VPS53: variants seen among roughly 807,000 people sequenced by gnomAD.
VPS53 encodes vacuolar protein sorting-associated protein 53 homolog.
VPS53 carries 70 observed loss-of-function variants against 107.0 expected under a neutral mutation model. The ratio of observed to expected loss-of-function variants is 0.65; its 90% confidence interval spans 0.54 to 0.80. VPS53 has a LOEUF of 0.80. Among genes scored for constraint, VPS53 ranks in the 30% least tolerant of loss-of-function variants. VPS53 has a pLI of 0.00. For synonymous variants in VPS53, 409 were observed against 393.3 expected, an observed-to-expected ratio of 1.04 and a Z score of -0.47; for missense variants, 917 against 1,049.4, an observed-to-expected ratio of 0.87 and a Z score of 1.74.
chr17:635,284 T>C (rs992315872), intron 7 of VPS53, among the ~76,000 whole-genome samples: 2 of 152,244 alleles, frequency 1.3e-5, no homozygotes, highest in Non-Finnish European at 2.9e-5. Context: ...TATTTATAGA[T>C]TCTGGATATT....
At chr17:614,034 G>A (rs896635945) in intron 11 of VPS53, among the ~76,000 whole-genome samples, 2 of 152,184 alleles carry the variant, frequency 1.3e-5, no homozygotes, top group South Asian at 2.1e-4. Context: ...ACCACACATC[G>A]TAGCATCCGT....
Position 668,289 on chromosome 17 carries a change from G to C in VPS53, c.286-6394C>G, listed in dbSNP as rs368577996. ...AAATCATATGGTCACCTCACCTACA[G>C]CACCTAAGCAAGGCTATGGCACAGT... On this transcript the variant is annotated intron_variant, in intron 4 of 21. Coordinates refer to ENST00000437048, the MANE Select transcript of VPS53 (RefSeq NM_001128159.3). Among the ~76,000 whole-genome samples the C allele has an allele frequency of 2.0e-5, 3 of 152,248 alleles. No homozygotes were observed. In the East Asian group the frequency reaches 5.8e-4, roughly 29 times the overall value.
chr17:591,464 T>C (rs1342144423), intron 12 of VPS53, among the ~76,000 whole-genome samples: 1 of 152,200 alleles, frequency 6.6e-6, no homozygotes, highest in African/African-American at 2.4e-5. Flanking sequence ...CTTTTAATTG[T>C]GATGTTAGGG....
At chr17:594,259 T>C (rs1055986164) in intron 12 of VPS53, among the ~76,000 whole-genome samples, 1 of 152,342 alleles carries the variant, frequency 6.6e-6, no homozygotes, top group South Asian at 2.1e-4. Context: ...ATGGCACATG[T>C]ATACATATGT....
chr17:586,509 T>C (rs1967326946), intron 12 of VPS53, 145 bp from the exon 13 acceptor site: 1 of 788,284 alleles, frequency 1.3e-6, no homozygotes, highest in Non-Finnish European at 2.0e-6. Context: ...GGTTTCACCA[T>C]TCACCCTGGC....
At position 519,430 on chromosome 17, in the gene VPS53, C is replaced by T. The variant is rs1908551775; in HGVS notation, c.2329-132G>A. On this transcript the variant is annotated intron_variant, in intron 21 of 21. Transcript: ENST00000437048. This position sits in a 1 kb window ranked among gnomAD's most constrained non-coding sequence, Gnocchi z 5.0. ...ATAGTTACTCCAGGCTGAGGATGAACCGTTTCCTCAAGGGACTCACCATCC... is the reference window on the plus strand; with the variant it reads ...ATAGTTACTCCAGGCTGAGGATGAATCGTTTCCTCAAGGGACTCACCATCC... 4.2e-6 allele frequency: 4 copies of T among 958,826 alleles called. No individual in the cohort carries two copies. In the East Asian group the frequency reaches 1.1e-4, roughly 27 times the overall value. The allele number at this position is 958,826 out of a possible 1,614,324, so 59.4% of individuals were successfully genotyped here. A position where few individuals can be genotyped will look rare whatever the true frequency, so the allele number is the denominator to read the frequency against.
intron 17 of VPS53, among the ~76,000 whole-genome samples, chr17:544,801 C>T (rs925394076): frequency 8.6e-5 from 13 of 151,972 alleles, no homozygotes; most frequent in Non-Finnish European, 1.8e-4. Context: ...ATATGGAGGC[C>T]AGGCACAGTG....
At chr17:626,967 G>C (rs1398567104) in intron 10 of VPS53, among the ~76,000 whole-genome samples, 2 of 152,130 alleles carry the variant, frequency 1.3e-5, no homozygotes, top group Non-Finnish European at 2.9e-5. Context: ...CTTGAGGCAA[G>C]AACTACACCA....
chr17:635,678 G>C (rs942558814), intron 7 of VPS53, among the ~76,000 whole-genome samples: 18 of 151,980 alleles, frequency 1.2e-4, no homozygotes, highest in African/African-American at 4.1e-4. Context: ...TCTTGTTTTT[G>C]TCAGGTTTGT....
chr17:566,832 C>G (rs1431291987), intron 13 of VPS53, among the ~76,000 whole-genome samples: 1 of 151,998 alleles, frequency 6.6e-6, no homozygotes, highest in Non-Finnish European at 1.5e-5. Flanking sequence ...CAACCTCTGC[C>G]TCCCGGGTTC....
At chr17:567,293 C>T (rs914318375) in intron 13 of VPS53, among the ~76,000 whole-genome samples, 1 of 152,190 alleles carries the variant, frequency 6.6e-6, no homozygotes, top group Non-Finnish European at 1.5e-5. Flanking sequence ...TTACTTCTGA[C>T]ATTGTTCTTT....
intron 13 of VPS53, among the ~76,000 whole-genome samples, chr17:578,851 G>A (rs888125814): frequency 8.2e-6 from 1 of 122,078 alleles, no homozygotes; most frequent in Admixed American, 8.1e-5. Context: ...ACCTAATGCG[G>A]TCCCAGAGAA....
intron 10 of VPS53, among the ~76,000 whole-genome samples, chr17:626,370 T>A (rs767654740): frequency 1.3e-4 from 20 of 152,202 alleles, no homozygotes; most frequent in Non-Finnish European, 2.8e-4. Context: ...TTTAAAATGC[T>A]TGGAAAGCTC....
chr17:654,581 A>ACAAAAAT (rs1489573034), intron 6 of VPS53, among the ~76,000 whole-genome samples: 1 of 151,574 alleles, frequency 6.6e-6, no homozygotes, highest in Non-Finnish European at 1.5e-5. Flanking sequence ...TACTAAAAAT[A>ACAAAAAT]CAAAAATTAA....
intron 7 of VPS53, among the ~76,000 whole-genome samples, chr17:648,948 G>A (rs72477046): frequency 3.9e-5 from 4 of 103,356 alleles, no homozygotes; most frequent in Non-Finnish European, 8.1e-5. Flanking sequence ...ATCTTACACT[G>A]GAGGACAGAG....
Position 519,743 on chromosome 17 carries a change from G to C in VPS53, c.2328+83C>G. 9.5e-7 allele frequency: 1 copy of C among 1,048,762 alleles called. No homozygotes were observed. The highest frequency in any genetic ancestry group is 1.4e-6 in the Non-Finnish European group (1 of 699,210). 65.0% of individuals were successfully genotyped at this position (1,048,762 alleles called of 1,614,324 possible). Reference sequence around the variant, plus strand: ...ACATGCATTTTGAGAAAGCCCCCCCGGAACTTATATCCCAATTCCCGGTTA... The same window carrying C: ...ACATGCATTTTGAGAAAGCCCCCCCCGAACTTATATCCCAATTCCCGGTTA... On this transcript the variant is annotated intron_variant, in intron 21 of 21. Coordinates refer to ENST00000437048, the MANE Select transcript of VPS53 (RefSeq NM_001128159.3). The surrounding 1 kb of genome is among the most constrained non-coding windows in gnomAD (Gnocchi z 5.0).
chr17:544,261 T>C (rs1422147690), intron 17 of VPS53, among the ~76,000 whole-genome samples: 4 of 152,196 alleles, frequency 2.6e-5, no homozygotes, highest in South Asian at 2.1e-4. Flanking sequence ...TGAACACTCG[T>C]GTGGACCCAC....
At chr17:648,890 C>T (rs1488215662) in intron 7 of VPS53, among the ~76,000 whole-genome samples, 1 of 112,702 alleles carries the variant, frequency 8.9e-6, no homozygotes, top group African/African-American at 3.4e-5. Flanking sequence ...ATGGAACAGG[C>T]ACTAAGATCT....
intron 13 of VPS53, among the ~76,000 whole-genome samples, chr17:579,036 C>T (rs571034372): frequency 3.4e-5 from 5 of 148,236 alleles, no homozygotes; most frequent in African/African-American, 1.3e-4. Context: ...CCCTCAGGAC[C>T]TAATGCGGTC....
Sources: allele counts gnomAD v4.1 joint callset (sites outside exome capture counted in the v4.1 genomes callset), GRCh38; gene constraint gnomAD v4.1.1; non-coding constraint Gnocchi (gnomAD v3.1); transcripts MANE v1.5; gene names NCBI Gene and HGNC (gene_info 2026-07-23, HGNC 2026-07-21).